SLC25A26: variants seen among roughly 807,000 people sequenced by gnomAD.
The protein encoded by SLC25A26 is mitochondrial S-adenosylmethionine carrier protein.
SLC25A26 carries 36 observed loss-of-function variants against 37.8 expected under a neutral mutation model. That is an observed-to-expected ratio of 0.95 (90% CI 0.73 to 1.26). The LOEUF (loss-of-function observed/expected upper bound fraction) is 1.26. Ranked by LOEUF, SLC25A26 falls within the 50% of genes most tolerant of loss-of-function variation. The probability of loss-of-function intolerance (pLI) is 0.00; values close to 1 mark genes in which losing one functional copy is unlikely to be tolerated. For missense variants in SLC25A26, 390 were observed against 331.1 expected (o/e 1.18, Z -1.38); for synonymous variants, 129 against 122.5 (o/e 1.05, Z -0.35).
intron 5 of SLC25A26, among the ~76,000 whole-genome samples, chr3:66,316,596 G>A (rs959251388): frequency 4.6e-5 from 7 of 151,912 alleles, no homozygotes; most frequent in Admixed American, 1.3e-4. Context: ...TATATGTCTT[G>A]GGGTTGATAT....
intron 3 of SLC25A26, among the ~76,000 whole-genome samples, chr3:66,249,956 A>G (rs781801432): frequency 1.3e-5 from 2 of 152,196 alleles, no homozygotes; most frequent in Non-Finnish European, 2.9e-5. Flanking sequence ...TCCATGTATT[A>G]TGGGACCTTT....
intron 3 of SLC25A26, among the ~76,000 whole-genome samples, chr3:66,253,210 G>T (rs911039420): frequency 6.6e-6 from 1 of 151,512 alleles, no homozygotes; most frequent in African/African-American, 2.4e-5. Flanking sequence ...GATCAAGACC[G>T]TCCTGGCTAA....
intron 1 of SLC25A26, among the ~76,000 whole-genome samples, chr3:66,134,249 C>T (rs1366016985): frequency 6.6e-6 from 1 of 152,172 alleles, no homozygotes; most frequent in African/African-American, 2.4e-5. Context: ...AATAACTGCC[C>T]TTATTTTGTA....
intron 1 of SLC25A26, among the ~76,000 whole-genome samples, chr3:66,140,218 A>G (rs1322569681): frequency 1.3e-5 from 2 of 152,202 alleles, no homozygotes; most frequent in Non-Finnish European, 1.5e-5. Context: ...TATTCTAGCA[A>G]AAGATCAGGA....
chr3:66,200,928 T>C (rs1354200332), intron 1 of SLC25A26, among the ~76,000 whole-genome samples: 6 of 152,274 alleles, frequency 3.9e-5, no homozygotes, highest in South Asian at 4.1e-4. Flanking sequence ...GAGTACTCCC[T>C]ATGTGCCAGA....
intron 5 of SLC25A26, among the ~76,000 whole-genome samples, chr3:66,271,526 A>G (rs1576761748): frequency 6.6e-6 from 1 of 152,162 alleles, no homozygotes; most frequent in East Asian, 1.9e-4. Context: ...GTTTATCTCG[A>G]AAACAAAAAC....
Position 66,225,348 on chromosome 3 carries a change from A to G in SLC25A26, c.33+4221A>G, listed in dbSNP as rs181642752. Among the ~76,000 whole-genome samples, 93 of 152,332 alleles carry G rather than the reference A, an allele frequency of 6.1e-4. 1 individual carries two copies. In the East Asian group the frequency reaches 0.011, roughly 17 times the overall value. On this transcript the variant is annotated intron_variant, in intron 1 of 9. Transcript: ENST00000354883. ...GTACCAACACCATGTGGAAGCTGCC[A>G]AGGCTTGGGGCTTGCATCCTTCGAA... is the stretch of plus-strand genomic sequence containing the variant.
chr3:66,310,161 T>TG (rs2075337077), intron 5 of SLC25A26, among the ~76,000 whole-genome samples: 1 of 152,252 alleles, frequency 6.6e-6, no homozygotes, highest in African/African-American at 2.4e-5. Context: ...TCTAAGAACT[T>TG]GCTTTATGAA....
Position 66,262,170 on chromosome 3 carries a change from T to A in SLC25A26, c.405+15T>A. 1 of 1,314,754 alleles carries A rather than the reference T, an allele frequency of 7.6e-7. No homozygotes were observed. Among genetic ancestry groups the A allele is most frequent in the Non-Finnish European group, 1.1e-6 (1 of 946,032 alleles). The allele number at this position is 1,314,754 out of a possible 1,614,324, so 81.4% of individuals were successfully genotyped here. ...TATATGAAGAGGTGAGATGGGTTTT[T>A]TAAGCTCTTCTTTTCTTTATTAAGA... On this transcript the variant is annotated intron_variant, in intron 4 of 9. Transcript: ENST00000354883.
At chr3:66,209,898 T>TTATATTTATATATATATATATATA (rs2071257057) in intron 1 of SLC25A26, among the ~76,000 whole-genome samples, 1 of 38,608 alleles carries the variant, frequency 2.6e-5, no homozygotes, top group Non-Finnish European at 5.0e-5. Flanking sequence ...CTCTCTCTAT[T>TTATATTTATATATATATATATATA]TATATATATA....
chr3:66,311,589 A>T (rs1486979203), intron 5 of SLC25A26, among the ~76,000 whole-genome samples: 1 of 151,936 alleles, frequency 6.6e-6, no homozygotes, highest in Non-Finnish European at 1.5e-5. Flanking sequence ...TGGAGTTTTC[A>T]GCCTTTTTTT....
chr3:66,194,580 T>C (rs2071008483), intron 1 of SLC25A26, among the ~76,000 whole-genome samples: 1 of 152,138 alleles, frequency 6.6e-6, no homozygotes, highest in African/African-American at 2.4e-5. Context: ...AAATCAACCC[T>C]CTCTAGGGTC....
chr3:66,220,906 G>T, upstream of SLC25A26: 1 of 648,768 alleles, frequency 1.5e-6, no homozygotes, highest in African/African-American at 1.9e-5. Flanking sequence ...CCGAGGCCCC[G>T]CCCCTCCTCT....
chr3:66,205,271 TG>T (rs1247132069), intron 1 of SLC25A26, among the ~76,000 whole-genome samples: 1 of 152,210 alleles, frequency 6.6e-6, no homozygotes, highest in Non-Finnish European at 1.5e-5. Flanking sequence ...TATTCCTTTA[TG>T]GAATGATTTT....
intron 1 of SLC25A26, among the ~76,000 whole-genome samples, chr3:66,202,243 C>T (rs2071120474): frequency 6.6e-6 from 1 of 152,046 alleles, no homozygotes; most frequent in South Asian, 2.1e-4. Context: ...CCATCATTCT[C>T]AGTAAACTAA....
At chr3:66,351,217 A>T (rs1487474582) in intron 6 of SLC25A26, among the ~76,000 whole-genome samples, 2 of 152,098 alleles carry the variant, frequency 1.3e-5, no homozygotes, top group Non-Finnish European at 2.9e-5. Flanking sequence ...TGTGTCTCTT[A>T]TTGCAGAATA....
chr3:66,207,457 T>A (rs1362642586), intron 1 of SLC25A26, among the ~76,000 whole-genome samples: 3 of 152,196 alleles, frequency 2.0e-5, no homozygotes, highest in African/African-American at 7.2e-5. Context: ...GACAGTATTA[T>A]GGGAAGACAG....
upstream of SLC25A26, among the ~76,000 whole-genome samples, chr3:66,217,508 T>C (rs2071379297): frequency 6.6e-6 from 1 of 152,182 alleles, no homozygotes; most frequent in South Asian, 2.1e-4. Flanking sequence ...TCCTGCGAGA[T>C]AGTAATATTT....
At chr3:66,358,160 TTTTG>T (rs2076619042) in intron 6 of SLC25A26, among the ~76,000 whole-genome samples, 1 of 152,244 alleles carries the variant, frequency 6.6e-6, no homozygotes, top group African/African-American at 2.4e-5. Context: ...AGCTAGAGTA[TTTTG>T]TTTATTACAA....
Sources: allele counts gnomAD v4.1 joint callset (sites outside exome capture counted in the v4.1 genomes callset), GRCh38; gene constraint gnomAD v4.1.1; transcripts MANE v1.5; gene names NCBI Gene and HGNC (gene_info 2026-07-23, HGNC 2026-07-21).